The following PRKCH variants were observed in gnomAD, a reference collection of about 807,000 sequenced individuals.
The protein encoded by PRKCH is protein kinase C eta type.
Under a neutral mutation model 82.5 loss-of-function variants are expected in PRKCH, and 28 were observed. The ratio of observed to expected loss-of-function variants is 0.34; its 90% CI spans 0.25 to 0.47. The LOEUF (loss-of-function observed/expected upper bound fraction) is 0.47, where lower values mean the gene tolerates loss of function less well. Among genes scored for constraint, PRKCH ranks in the 20% least tolerant of loss-of-function variants. The probability of loss-of-function intolerance (pLI) is 1.00; values close to 1 mark genes in which losing one functional copy is unlikely to be tolerated. For missense variants in PRKCH, 705 were observed against 881.8 expected, an observed-to-expected ratio of 0.80 and a Z score of 2.54; for synonymous variants, 322 against 327.4, an observed-to-expected ratio of 0.98 and a Z score of 0.18.
At chr14:61,519,892 G>A (rs1390463449) in intron 10 of PRKCH, among the ~76,000 whole-genome samples, 1 of 151,330 alleles carries the variant, frequency 6.6e-6, no homozygotes, top group Non-Finnish European at 1.5e-5. Flanking sequence ...AAAAAAATGA[G>A]CTGATGGCAA....
At chr14:61,229,426 G>T (rs535104803) in intron 1 of PRKCH, among the ~76,000 whole-genome samples, 1 of 152,298 alleles carries the variant, frequency 6.6e-6, no homozygotes, top group East Asian at 1.9e-4. Flanking sequence ...AAAGCTAGCT[G>T]TGGAATCTGC....
intron 1 of PRKCH, among the ~76,000 whole-genome samples, chr14:61,333,722 G>T (rs566427177): frequency 4.6e-5 from 7 of 152,128 alleles, no homozygotes; most frequent in Non-Finnish European, 8.8e-5. Flanking sequence ...ACAAAACTAG[G>T]ACAGTTTGAG....
chr14:61,262,616 T>G (rs188435790), intron 1 of PRKCH, among the ~76,000 whole-genome samples: 1 of 152,294 alleles, frequency 6.6e-6, no homozygotes, highest in Non-Finnish European at 1.5e-5. Context: ...GAATCATGGT[T>G]ACGTTTGTGA....
chr14:61,301,141 G>A (rs964654402), intron 1 of PRKCH, among the ~76,000 whole-genome samples: 2 of 151,978 alleles, frequency 1.3e-5, no homozygotes, highest in Admixed American at 6.6e-5. Flanking sequence ...TCCACTTCTC[G>A]TGTGTCCATG....
chr14:61,549,368 G>A (rs570288505), intron 13 of PRKCH, among the ~76,000 whole-genome samples: 73 of 152,294 alleles, frequency 4.8e-4, no homozygotes, highest in African/African-American at 1.5e-3. Context: ...TGCCACCTTG[G>A]TGAAATGAGA....
intron 1 of PRKCH, among the ~76,000 whole-genome samples, chr14:61,352,165 C>T (rs2046084968): frequency 6.6e-6 from 1 of 152,150 alleles, no homozygotes; most frequent in Admixed American, 6.5e-5. Flanking sequence ...AAGAATCAGG[C>T]CATTAATCAC....
chr14:61,232,310 AC>A (rs2044751267), intron 1 of PRKCH, among the ~76,000 whole-genome samples: 1 of 152,162 alleles, frequency 6.6e-6, no homozygotes, highest in South Asian at 2.1e-4. Flanking sequence ...ACTGCAACCT[AC>A]GCCTCCTGAG....
At position 61,534,013 on chromosome 14, in the gene PRKCH, CCCT is replaced by C. The variant is rs1258613473; in HGVS notation, c.1761+3420_1761+3422del. On this transcript the variant is annotated intron_variant, in intron 12 of 13. Transcript: ENST00000332981. ...AACTTAGAGATTGTCCCTTCCAACC[CCCT>C]CGTTTTATAGATGAGGAAACCATGA... Among the ~76,000 whole-genome samples the C allele has an allele frequency of 4.6e-5, 7 of 152,262 alleles. No homozygotes were observed. The East Asian group carries it at 5.8e-4, about 13-fold the overall frequency.
At chr14:61,227,908 A>G (rs904999064) in intron 1 of PRKCH, among the ~76,000 whole-genome samples, 1 of 152,174 alleles carries the variant, frequency 6.6e-6, no homozygotes, top group African/African-American at 2.4e-5. Flanking sequence ...ACAAAGGCTC[A>G]TAATCGTTTT....
rs1396637731 is a variant in PRKCH, at chr14:61,210,092, C to A, written c.-19+22424C>A. Among the ~76,000 whole-genome samples the A allele has an allele frequency of 1.3e-3, 86 of 67,702 alleles. 1 individual carries two copies. The highest frequency in any genetic ancestry group is 3.0e-3 in the African/African-American group (55 of 18,484). 44.4% of individuals were successfully genotyped at this position (67,702 alleles called of 152,430 possible). On this transcript the variant is annotated intron_variant, in intron 1 of 3. Coordinates refer to the PRKCH transcript ENST00000555185. ...TCTCTACTAAAACAAAAACAAAAAACAAAACAAACAAACAAACAAATATAT... is the reference window on the plus strand; with the variant it reads ...TCTCTACTAAAACAAAAACAAAAAAAAAAACAAACAAACAAACAAATATAT...
At chr14:61,368,394 G>A (rs1304273700) in intron 1 of PRKCH, among the ~76,000 whole-genome samples, 2 of 151,894 alleles carry the variant, frequency 1.3e-5, no homozygotes, top group African/African-American at 4.8e-5. Flanking sequence ...ACAGGGAAAA[G>A]GCCCTGTACT....
intron 1 of PRKCH, among the ~76,000 whole-genome samples, chr14:61,198,170 G>A (rs1039314623): frequency 2.0e-5 from 3 of 151,498 alleles, no homozygotes; most frequent in Non-Finnish European, 4.4e-5. Context: ...GTATTTAAGT[G>A]TATTTAAGGG....
At chr14:61,502,098 ACT>A (rs1886944622) in intron 10 of PRKCH, among the ~76,000 whole-genome samples, 2 of 117,898 alleles carry the variant, frequency 1.7e-5, no homozygotes, top group Non-Finnish European at 1.6e-5. Flanking sequence ...ATGGAGTCTC[ACT>A]CTCACTCAGG....
At position 61,450,843 on chromosome 14, in the gene PRKCH, T is replaced by C; in HGVS notation, c.704T>C (p.Ile235Thr). ...GTCCCTTTATTTCCTTTTTTACAGA[T>C]TGCAGAACAGAGGTTCGGGATCAAC... is the stretch of plus-strand genomic sequence containing the variant. ...QNNINKVDSK[I>T]AEQRFGINIP... Residue 235 changes from isoleucine to threonine, a missense_variant and splice_region_variant, in exon 6 of 14, where the codon ATT (isoleucine) becomes ACT (threonine). By Grantham distance (89) the Ile-to-Thr change is moderately conservative. Around this residue, in one of 5 missense-constraint regions of PRKCH, gnomAD observed 246 missense variants for 308.0 expected, o/e 0.80. Coordinates refer to ENST00000332981, the MANE Select transcript of PRKCH (RefSeq NM_006255.5). 6.2e-7 allele frequency: 1 copy of C among 1,613,688 alleles called. No individual in the cohort carries two copies. Among genetic ancestry groups the C allele is most frequent in the Non-Finnish European group, 8.5e-7 (1 of 1,179,820 alleles).
At chr14:61,214,375 C>T (rs1326131185) in intron 1 of PRKCH, among the ~76,000 whole-genome samples, 9 of 152,150 alleles carry the variant, frequency 5.9e-5, no homozygotes, top group Non-Finnish European at 1.2e-4. Context: ...ATGATCATCA[C>T]GGTCCAGTCT....
At chr14:61,222,981 T>TC (rs1235676217) in intron 1 of PRKCH, among the ~76,000 whole-genome samples, 1 of 152,180 alleles carries the variant, frequency 6.6e-6, no homozygotes, top group Admixed American at 6.5e-5. Context: ...CCTTTTTTTT[T>TC]CCCCTCTTCC....
intron 1 of PRKCH, among the ~76,000 whole-genome samples, chr14:61,381,893 A>G (rs2046516428): frequency 6.6e-6 from 1 of 152,224 alleles, no homozygotes; most frequent in Non-Finnish European, 1.5e-5. Context: ...AAGCAGTCAG[A>G]GCAGCCTCAA....
At chr14:61,490,633 G>GCCC (rs2140337429) in intron 10 of PRKCH, among the ~76,000 whole-genome samples, 1 of 152,268 alleles carries the variant, frequency 6.6e-6, no homozygotes, top group African/African-American at 2.4e-5. Flanking sequence ...GTGTGTTGGG[G>GCCC]CCAGGCACAG....
intron 1 of PRKCH, among the ~76,000 whole-genome samples, chr14:61,381,593 G>C (rs539281925): frequency 6.6e-6 from 1 of 152,382 alleles, no homozygotes; most frequent in Admixed American, 6.5e-5. Flanking sequence ...TCTCCAGGCA[G>C]CTGACTAACG....
Sources: allele counts gnomAD v4.1 joint callset (sites outside exome capture counted in the v4.1 genomes callset), GRCh38; gene constraint gnomAD v4.1.1; regional missense constraint gnomAD v4.1.1; transcripts MANE v1.5; gene names NCBI Gene and HGNC (gene_info 2026-07-23, HGNC 2026-07-21).